WDR90: variants seen among roughly 807,000 people sequenced by gnomAD.
The protein encoded by WDR90 is WD repeat domain 90.
WDR90 carries 238 observed loss-of-function variants against 195.2 expected under a neutral mutation model. The observed-to-expected ratio is 1.22, with a 90% CI of 1.10 to 1.36. The LOEUF is 1.36. WDR90 is among the 40% of genes most tolerant of loss of function. WDR90 has a pLI of 0.00. For missense variants in WDR90, 2,734 were observed against 2,439.5 expected, an observed-to-expected ratio of 1.12 and a Z score of -2.54; for synonymous variants, 1,265 against 1,052.4, an observed-to-expected ratio of 1.20 and a Z score of -3.91.
chr16:653,435 T>C lies in WDR90; in HGVS notation c.1217T>C (p.Leu406Pro), dbSNP rs374381430. The stretch of plus-strand genomic sequence containing the variant: ...GACACGGGGGAGCAGCGCTTCTTCC[T>C]TGGCCACACAGACAAGGTGGGTGCT... ...LVDTGEQRFF[L>P]GHTDKVSALA... The change falls in exon 11 of 41, where the codon CTT (leucine) becomes CCT (proline). Residue 406 changes from leucine to proline, a missense_variant. Leu to Pro is a moderately conservative substitution (Grantham distance 98, BLOSUM62 -3). Coordinates refer to ENST00000293879, the MANE Select transcript of WDR90 (RefSeq NM_145294.5). The C allele has an allele frequency of 4.3e-6, 7 of 1,612,114 alleles. No individual in the cohort carries two copies. In the African/African-American group the frequency reaches 9.3e-5, roughly 22 times the overall value.
chr16:667,690 G>A lies in WDR90; in HGVS notation c.*101G>A. 1 of 1,534,650 alleles carries A rather than the reference G, an allele frequency of 6.5e-7. No homozygotes were observed. On this transcript the variant is annotated 3_prime_UTR_variant, in exon 41 of 41. Transcript: ENST00000293879. ...CCAGGTTGTCAATGGCCTCATGCTG[G>A]GACAGGCCAGGATTCACGTAAATCG...
chr16:659,955 C>A (rs1279863189), intron 26 of WDR90, 103 bp from the exon 27 acceptor site: 1 of 896,752 alleles, frequency 1.1e-6, no homozygotes, highest in Non-Finnish European at 1.7e-6. Flanking sequence ...GCAGTTCTCA[C>A]TGTGTGGTAG....
At position 650,694 on chromosome 16, in the gene WDR90, C is replaced by G. The variant is rs2037627435; in HGVS notation, c.544C>G (p.Leu182Val). Residue 182 changes from leucine to valine, a missense_variant, in exon 5 of 41, where the codon CTG becomes GTG. Coordinates refer to ENST00000293879, the MANE Select transcript of WDR90 (RefSeq NM_145294.5). Reference sequence around the variant, plus strand: ...GGTCAGGAACCTGTACACCAGTGACCTGTGCTTTGAGCCTGGTGAGGGCCG... The same window carrying G: ...GGTCAGGAACCTGTACACCAGTGACGTGTGCTTTGAGCCTGGTGAGGGCCG... ...LLVRNLYTSDLCFEPAISGAQ... is the reference protein window; with the variant it reads ...LLVRNLYTSDVCFEPAISGAQ... 1.2e-6 allele frequency: 2 copies of G among 1,609,390 alleles called. No individual in the cohort carries two copies. Among genetic ancestry groups the G allele is most frequent in the African/African-American group, 1.3e-5 (1 of 74,882 alleles).
intron 22 of WDR90, 44 bp downstream of exon 22, chr16:658,388 C>A (rs1177982297): frequency 1.3e-6 from 2 of 1,597,274 alleles, no homozygotes; most frequent in Admixed American, 1.7e-5. Context: ...CCTCCCTGTG[C>A]TGTCCAGGCC....
chr16:661,564 G>T, intron 30 of WDR90, 33 bp from the exon 31 acceptor site: 1 of 1,580,084 alleles, frequency 6.3e-7, no homozygotes. Flanking sequence ...CTGCATCTGT[G>T]CACCTGACGT....
At chr16:662,574 C>T in intron 33 of WDR90, 105 bp from the exon 34 acceptor site, 7 of 1,451,690 alleles carry the variant, frequency 4.8e-6, no homozygotes, top group Non-Finnish European at 6.5e-6. Flanking sequence ...CAGCCAGGTC[C>T]TGAGATGCAA....
In WDR90 at chr16:650,669, G is replaced by A. The variant is rs755489751; in HGVS notation, c.519G>A (p.Leu173=). ...LKSIRLCASL[L]VRNLYTSDLC... ...GCATCAGGCTGTGCGCCAGCCTGCT[G>A]GTCAGGAACCTGTACACCAGTGACC... Residue 173 remains leucine, a synonymous_variant, in exon 5 of 41, where the codon CTG becomes CTA. Transcript: ENST00000293879. 1.1e-5 allele frequency: 18 copies of A among 1,612,440 alleles called. No homozygotes were observed. The highest frequency in any genetic ancestry group is 8.3e-5 in the Admixed American group (5 of 59,988).
intron 17 of WDR90, 161 bp from the exon 18 acceptor site, chr16:656,141 T>C (rs2037748896): frequency 2.5e-6 from 2 of 793,350 alleles, no homozygotes; most frequent in Non-Finnish European, 4.0e-6. Context: ...CCGCCTAGCC[T>C]AAGAGTGGTG....
chr16:652,463 T>A lies in WDR90; in HGVS notation c.1054-4T>A, dbSNP rs748609535. 30 of 1,604,140 alleles carry A rather than the reference T, an allele frequency of 1.9e-5. No individual in the cohort carries two copies. ...CAGGACTTTGATGCGAATGGCTGTTTCAGGGCTTCCTCCCAGACCCAGTCC... is the reference window on the plus strand; with the variant it reads ...CAGGACTTTGATGCGAATGGCTGTTACAGGGCTTCCTCCCAGACCCAGTCC... On this transcript the variant is annotated splice_region_variant and splice_polypyrimidine_tract_variant and intron_variant, in intron 9 of 40. Transcript: ENST00000293879.
chr16:666,036 G>C lies in WDR90; in HGVS notation c.4521G>C (p.Leu1507=). The C allele has an allele frequency of 6.2e-7, 1 of 1,605,240 alleles. No homozygotes were observed. Among genetic ancestry groups the C allele is most frequent in the Non-Finnish European group, 8.5e-7 (1 of 1,179,838 alleles). The change falls in exon 36 of 41, where the codon CTG becomes CTC. Residue 1507 remains leucine (L), a synonymous_variant. Coordinates refer to ENST00000293879, the MANE Select transcript of WDR90 (RefSeq NM_145294.5). ...RLAAGYGDGS[L]RIFSVSRTAM... ...CGGCTGGCTACGGTGACGGCTCCCT[G>C]CGCATCTTCAGCGTCTCCCGCACGG...
intron 26 of WDR90, among the ~76,000 whole-genome samples, chr16:659,631 G>T (rs545817606): frequency 6.6e-6 from 1 of 152,196 alleles, no homozygotes; most frequent in Non-Finnish European, 1.5e-5. Flanking sequence ...GTCCCCGTCA[G>T]ATGAGGAAGG....
rs931345915 is a variant in WDR90 at position 657,668 on chromosome 16, G to A, written c.2474-94G>A. On this transcript the variant is annotated intron_variant, in intron 20 of 40. Coordinates refer to ENST00000293879, the MANE Select transcript of WDR90 (RefSeq NM_145294.5). Reference sequence around the variant, plus strand: ...CTGTGCTCCGGGGCTGGTGTTTCCCGAAAGTGGGGGCAGGGGCGGCGGCCT... The same window carrying A: ...CTGTGCTCCGGGGCTGGTGTTTCCCAAAAGTGGGGGCAGGGGCGGCGGCCT... 3.3e-5 allele frequency: 47 copies of A among 1,419,212 alleles called. 1 individual carries two copies. The highest frequency in any genetic ancestry group is 2.6e-4 in the Middle Eastern group (1 of 3,910). 87.9% of individuals were successfully genotyped at this position (1,419,212 alleles called of 1,614,324 possible).
Position 660,170 on chromosome 16 carries a change from T to C in WDR90, c.3288+9T>C. On this transcript the variant is annotated intron_variant, in intron 27 of 40. Coordinates refer to ENST00000293879, the MANE Select transcript of WDR90 (RefSeq NM_145294.5). ...GCCCCCACTCTGCCAAGGTGGGGAGTGGTTTCTGGGAGCCCTCTTTATCCC... is the reference window on the plus strand; with the variant it reads ...GCCCCCACTCTGCCAAGGTGGGGAGCGGTTTCTGGGAGCCCTCTTTATCCC... 3 of 1,508,414 alleles carry C rather than the reference T, an allele frequency of 2.0e-6. No individual in the cohort carries two copies. Among genetic ancestry groups the C allele is most frequent in the Non-Finnish European group, 1.8e-6 (2 of 1,121,504 alleles). 93.4% of individuals were successfully genotyped at this position (1,508,414 alleles called of 1,614,324 possible). A position where few individuals can be genotyped will look rare whatever the true frequency, so the allele number is the denominator to read the frequency against.
chr16:666,374 G>A (rs1293687194), intron 37 of WDR90, 24 bp downstream of exon 37: 7 of 1,611,940 alleles, frequency 4.3e-6, no homozygotes, highest in South Asian at 1.1e-5. Flanking sequence ...AAGAGCTGGG[G>A]AGAGGGGGCC....
chr16:649,729 G>A (rs1366579738), intron 1 of WDR90, 34 bp from the exon 2 acceptor site: 2 of 1,539,414 alleles, frequency 1.3e-6, no homozygotes, highest in Non-Finnish European at 1.8e-6. Flanking sequence ...TCGCGTGGCC[G>A]AGTCCCCTGA....
At chr16:662,095 C>A in intron 32 of WDR90, 36 bp downstream of exon 32, 1 of 1,584,722 alleles carries the variant, frequency 6.3e-7, no homozygotes, top group Non-Finnish European at 8.6e-7. Context: ...GCCCTCAGGA[C>A]CCCTACCTGG....
In WDR90 at chr16:659,025, C is replaced by G; in HGVS notation, c.3011+14C>G. On this transcript the variant is annotated intron_variant, in intron 24 of 40. Coordinates refer to ENST00000293879, the MANE Select transcript of WDR90 (RefSeq NM_145294.5). ...CCCTACTGAGAGGCAAGTGCCTACT[C>G]TCAGCTGTGTCTGCCTAGGCCCCCC... 6.2e-7 allele frequency: 1 copy of G among 1,613,254 alleles called. No homozygotes were observed. Among genetic ancestry groups the G allele is most frequent in the Non-Finnish European group, 8.5e-7 (1 of 1,179,920 alleles).
At chr16:651,151 G>T (rs371990125) in intron 6 of WDR90, 48 bp downstream of exon 6, 1 of 1,612,410 alleles carries the variant, frequency 6.2e-7, no homozygotes, top group African/African-American at 1.3e-5. Context: ...GTGGGAGGGT[G>T]GGTGGCCCTT....
In WDR90 at chr16:652,035, G is replaced by A. The variant is rs771161062; in HGVS notation, c.1049G>A (p.Cys350Tyr). Residue 350 changes from cysteine (C) to tyrosine (Y), a missense_variant, in exon 9 of 41, where the codon TGC (cysteine) becomes TAC (tyrosine). Coordinates refer to ENST00000293879, the MANE Select transcript of WDR90 (RefSeq NM_145294.5). Reference sequence around the variant, plus strand: ...GTGCCCGTGGCCCGCACCGGCTCCTGCGAAGTGAGTGCCCATCCCACAGCA... The same window carrying A: ...GTGCCCGTGGCCCGCACCGGCTCCTACGAAGTGAGTGCCCATCCCACAGCA... ...AEVPVARTGS[C>Y]EGFLPDPVLR... 2.5e-6 allele frequency: 4 copies of A among 1,592,058 alleles called. No individual in the cohort carries two copies. The South Asian group carries it at 3.4e-5, about 13-fold the overall frequency.
Sources: allele counts gnomAD v4.1 joint callset (sites outside exome capture counted in the v4.1 genomes callset), GRCh38; gene constraint gnomAD v4.1.1; transcripts MANE v1.5; gene names NCBI Gene and HGNC (gene_info 2026-07-23, HGNC 2026-07-21).